The following SMAD2 variants were observed in gnomAD, a reference collection of about 807,000 sequenced individuals.
SMAD2 encodes SMAD family member 2.
SMAD2 carries 8 observed loss-of-function variants against 64.4 expected under a neutral mutation model. The observed-to-expected ratio is 0.12, with a 90% CI of 0.07 to 0.22. The LOEUF is 0.22. Ranked by LOEUF, SMAD2 falls within the 10% of genes least tolerant of loss-of-function variation. The probability of loss-of-function intolerance (pLI) is 1.00; values close to 1 mark genes in which losing one functional copy is unlikely to be tolerated. For synonymous variants in SMAD2, 203 were observed against 195.8 expected (o/e 1.04, Z -0.31); for missense variants, 289 against 561.2 (o/e 0.51, Z 4.90).
Position 47,834,937 on chromosome 18 carries a change from C to A in SMAD2, c.*6890G>T. 4.5e-6 allele frequency: 1 copy of A among 223,436 alleles called. No homozygotes were observed. Among genetic ancestry groups the A allele is most frequent in the Non-Finnish European group, 8.9e-6 (1 of 111,832 alleles). 13.8% of individuals were successfully genotyped at this position (223,436 alleles called of 1,614,324 possible). On this transcript the variant is annotated 3_prime_UTR_variant, in exon 11 of 11. Coordinates refer to ENST00000262160, the MANE Select transcript of SMAD2 (RefSeq NM_005901.6). ...GACACAGCCCTCCGATTACAAAGGC[C>A]CAGAATGTTACTTTTAACTGTGCTC...
At chr18:47,913,069 G>A (rs1300561947) in intron 1 of SMAD2, among the ~76,000 whole-genome samples, 3 of 152,018 alleles carry the variant, frequency 2.0e-5, no homozygotes, top group Admixed American at 6.6e-5. Context: ...ACAGGCACGC[G>A]TCAACACGCT....
In SMAD2 at chr18:47,829,578, A is replaced by C. The variant is rs1371296805; in HGVS notation, c.*12249T>G. On this transcript the variant is annotated 3_prime_UTR_variant, in exon 11 of 11. Coordinates refer to ENST00000262160, the MANE Select transcript of SMAD2 (RefSeq NM_005901.6). ...GAAAAAATATTTAAAGTAATCAATT[A>C]GGTATTCTAAAAGAAGGCAGTTTTC... 2 of 151,584 alleles carry C rather than the reference A, an allele frequency of 1.3e-5. No homozygotes were observed. Among genetic ancestry groups the C allele is most frequent in the Non-Finnish European group, 2.9e-5 (2 of 68,010 alleles). 9.4% of individuals were successfully genotyped at this position (151,584 alleles called of 1,614,324 possible). A position where few individuals can be genotyped will look rare whatever the true frequency, so the allele number is the denominator to read the frequency against.
chr18:47,849,687 T>C (rs1460004802), intron 7 of SMAD2, among the ~76,000 whole-genome samples: 3 of 152,080 alleles, frequency 2.0e-5, no homozygotes, highest in African/African-American at 4.8e-5. Context: ...ATAATATAAA[T>C]GCTATACAAA....
chr18:47,809,789 G>A lies in SMAD2; in HGVS notation c.*32038C>T, dbSNP rs528656517. Reference sequence around the variant, plus strand: ...GGCAGATGTTATTTTTTCCCACTATGTACCTGTTACTTGGGTGGAGATTTC... The same window carrying A: ...GGCAGATGTTATTTTTTCCCACTATATACCTGTTACTTGGGTGGAGATTTC... On this transcript the variant is annotated 3_prime_UTR_variant, in exon 11 of 11. Coordinates refer to ENST00000262160, the MANE Select transcript of SMAD2 (RefSeq NM_005901.6). The A allele has an allele frequency of 5.6e-4, 86 of 152,238 alleles. No individual in the cohort carries two copies. The highest frequency in any genetic ancestry group is 2.0e-3 in the African/African-American group (85 of 41,548). 9.4% of individuals were successfully genotyped at this position (152,238 alleles called of 1,614,324 possible).
At chr18:47,925,837 G>C (rs961868281) in intron 1 of SMAD2, among the ~76,000 whole-genome samples, 1 of 152,156 alleles carries the variant, frequency 6.6e-6, no homozygotes, top group African/African-American at 2.4e-5. Context: ...CAAGAAAGGG[G>C]ATCAAAAAAA....
At chr18:47,872,128 A>T (rs2031971376) in intron 2 of SMAD2, among the ~76,000 whole-genome samples, 1 of 152,208 alleles carries the variant, frequency 6.6e-6, no homozygotes. Flanking sequence ...AGGCAGACAG[A>T]TCTAGACCCC....
intron 2 of SMAD2, among the ~76,000 whole-genome samples, chr18:47,890,995 C>T (rs1015512983): frequency 1.1e-4 from 17 of 152,180 alleles, no homozygotes; most frequent in Non-Finnish European, 2.4e-4. Flanking sequence ...TTACTAATTA[C>T]TCTGATGTTT....
At position 47,830,543 on chromosome 18, in the gene SMAD2, C is replaced by G. The variant is rs994106472; in HGVS notation, c.*11284G>C. On this transcript the variant is annotated 3_prime_UTR_variant, in exon 11 of 11. Coordinates refer to ENST00000262160, the MANE Select transcript of SMAD2 (RefSeq NM_005901.6). ...GTGAGCCGAGATCGCCCCACTGCAC[C>G]CCAGCCTGGGCAACAGAGCAAGACT... is the stretch of plus-strand genomic sequence containing the variant. 1.3e-5 allele frequency: 2 copies of G among 149,152 alleles called. No homozygotes were observed. Among genetic ancestry groups the G allele is most frequent in the Non-Finnish European group, 3.0e-5 (2 of 67,574 alleles). 9.2% of individuals were successfully genotyped at this position (149,152 alleles called of 1,614,324 possible).
At chr18:47,918,012 G>T (rs2034403116) in intron 1 of SMAD2, among the ~76,000 whole-genome samples, 1 of 152,168 alleles carries the variant, frequency 6.6e-6, no homozygotes, top group Non-Finnish European at 1.5e-5. Flanking sequence ...GAAAACCATT[G>T]ATTAACACAG....
rs539678593 is a variant in SMAD2, at chr18:47,843,751, C to T, written c.1280+1589G>A. Among the ~76,000 whole-genome samples, 28 of 152,236 alleles carry T rather than the reference C, an allele frequency of 1.8e-4. No individual in the cohort carries two copies. The South Asian group carries it at 3.3e-3, about 18-fold the overall frequency. ...ACCTGACTCCCAATACTCATAAAAA[C>T]ATACTGCATATTACTGCTTCTGTAA... On this transcript the variant is annotated intron_variant, in intron 10 of 10. Transcript: ENST00000262160.
Position 47,819,121 on chromosome 18 carries a change from A to G in SMAD2, c.*22706T>C, listed in dbSNP as rs1009953213. The G allele has an allele frequency of 7.9e-5, 12 of 152,278 alleles. No individual in the cohort carries two copies. The allele number at this position is 152,278 out of a possible 1,614,324, so 9.4% of individuals were successfully genotyped here. A position where few individuals can be genotyped will look rare whatever the true frequency, so the allele number is the denominator to read the frequency against. On this transcript the variant is annotated 3_prime_UTR_variant, in exon 11 of 11. Coordinates refer to ENST00000262160, the MANE Select transcript of SMAD2 (RefSeq NM_005901.6). ...TAATACAAAATATATAGTAATTAAC[A>G]CAAGTGCCTTTTAGTTAATATAACT... is the stretch of plus-strand genomic sequence containing the variant.
At chr18:47,919,469 T>TACACACACACACACAC (rs66523523) in intron 1 of SMAD2, among the ~76,000 whole-genome samples, 1 of 129,958 alleles carries the variant, frequency 7.7e-6, no homozygotes, top group African/African-American at 3.0e-5. Context: ...AAAAAAAAAA[T>TACACACACACACACAC]ACACACACAC....
At chr18:47,856,141 G>GT (rs35798864) in intron 6 of SMAD2, among the ~76,000 whole-genome samples, 57 of 148,504 alleles carry the variant, frequency 3.8e-4, no homozygotes, top group East Asian at 9.8e-4. Flanking sequence ...CATATGTGGG[G>GT]TTTTTTTTTT....
rs1158447687 is a variant in SMAD2, at chr18:47,822,667, CTA to C, written c.*19158_*19159del. 2 of 152,200 alleles carry C rather than the reference CTA, an allele frequency of 1.3e-5. No homozygotes were observed. Among genetic ancestry groups the C allele is most frequent in the East Asian group, 3.9e-4 (2 of 5,192 alleles). The allele number at this position is 152,200 out of a possible 1,614,324, so 9.4% of individuals were successfully genotyped here. A position where few individuals can be genotyped will look rare whatever the true frequency, so the allele number is the denominator to read the frequency against. ...CTTCTTGATCCCTCCAATTTGGAAA[CTA>C]TTTTGAGTATTCATTTGTTTTTGTT... On this transcript the variant is annotated 3_prime_UTR_variant, in exon 11 of 11. Transcript: ENST00000262160.
At chr18:47,849,499 AT>A (rs1914879558) in intron 7 of SMAD2, among the ~76,000 whole-genome samples, 3 of 151,782 alleles carry the variant, frequency 2.0e-5, no homozygotes, top group African/African-American at 7.3e-5. Flanking sequence ...ATATATATAT[AT>A]ATATATATAG....
chr18:47,877,848 T>C (rs1031084271), intron 2 of SMAD2, among the ~76,000 whole-genome samples: 6 of 152,182 alleles, frequency 3.9e-5, no homozygotes, highest in African/African-American at 1.2e-4. Flanking sequence ...AAAAGAAATA[T>C]ATTAAGAAAT....
rs771773294 is a variant in SMAD2, at chr18:47,833,645, C to G, written c.*8182G>C. On this transcript the variant is annotated 3_prime_UTR_variant, in exon 11 of 11. Transcript: ENST00000262160. ...TGGTAAGCACCTTATGAGTATGAGG[C>G]TACAATTGAGAGAAACTGCTCAGTC... The G allele has an allele frequency of 4.3e-6, 1 of 230,780 alleles. No individual in the cohort carries two copies. The highest frequency in any genetic ancestry group is 8.6e-6 in the Non-Finnish European group (1 of 116,470). The allele number at this position is 230,780 out of a possible 1,614,324, so 14.3% of individuals were successfully genotyped here. A position where few individuals can be genotyped will look rare whatever the true frequency, so the allele number is the denominator to read the frequency against.
chr18:47,925,183 C>T (rs1274576105), intron 1 of SMAD2, among the ~76,000 whole-genome samples: 2 of 152,212 alleles, frequency 1.3e-5, no homozygotes, highest in African/African-American at 4.8e-5. Flanking sequence ...TTCCACTACT[C>T]TACAGCCTTG....
rs576957267 is a variant in SMAD2 at position 47,921,279 on chromosome 18, C to T, written c.-54+9082G>A. Among the ~76,000 whole-genome samples the T allele has an allele frequency of 4.6e-4, 70 of 152,290 alleles. No individual in the cohort carries two copies. The South Asian group carries it at 6.8e-3, about 15-fold the overall frequency. On this transcript the variant is annotated intron_variant, in intron 1 of 10. Coordinates refer to ENST00000262160, the MANE Select transcript of SMAD2 (RefSeq NM_005901.6). ...ATGTACTATTAAGTGACATATGTGACCACTTGTACTAAAAGGTAATATACA... is the reference window on the plus strand; with the variant it reads ...ATGTACTATTAAGTGACATATGTGATCACTTGTACTAAAAGGTAATATACA...
Sources: allele counts gnomAD v4.1 joint callset (sites outside exome capture counted in the v4.1 genomes callset), GRCh38; gene constraint gnomAD v4.1.1; transcripts MANE v1.5; gene names NCBI Gene and HGNC (gene_info 2026-07-23, HGNC 2026-07-21).